Variants in ZC3H12B observed in about 807,000 individuals in gnomAD.
ZC3H12B encodes probable ribonuclease ZC3H12B.
A neutral mutation model predicts 43.9 loss-of-function variants in ZC3H12B; 7 were observed. That is an observed-to-expected ratio of 0.16 (90% CI 0.09 to 0.30). The LOEUF (loss-of-function observed/expected upper bound fraction) is 0.30, where lower values mean the gene tolerates loss of function less well. Among genes scored for constraint, ZC3H12B ranks in the 10% least tolerant of loss-of-function variants. The probability of loss-of-function intolerance (pLI) is 1.00; values close to 1 mark genes in which losing one functional copy is unlikely to be tolerated. For synonymous variants in ZC3H12B, 222 were observed against 241.7 expected (o/e 0.92, Z 0.76); for missense variants, 475 against 670.2 (o/e 0.71, Z 3.22).
chrX:65,172,540 G>T, the ZC3H12B span, among the ~76,000 whole-genome samples: 1 of 112,011 alleles, frequency 8.9e-6, no homozygotes, highest in Non-Finnish European at 1.9e-5. Flanking sequence ...TTTTCTTCTA[G>T]GATTTTTATG....
the ZC3H12B span, among the ~76,000 whole-genome samples, chrX:65,130,735 C>G: frequency 9.0e-6 from 1 of 111,421 alleles, no homozygotes; most frequent in Non-Finnish European, 1.9e-5. Flanking sequence ...TTTCCTTGGT[C>G]CAAGAACCAT....
the ZC3H12B span, among the ~76,000 whole-genome samples, chrX:65,091,043 T>G: frequency 9.0e-6 from 1 of 111,492 alleles, no homozygotes; most frequent in Admixed American, 9.6e-5. Context: ...CTCTGCTTCT[T>G]GTACAACCTG....
At chrX:65,350,537 GTC>G in the ZC3H12B span, among the ~76,000 whole-genome samples, 1 of 111,749 alleles carries the variant, frequency 8.9e-6, no homozygotes, top group Non-Finnish European at 1.9e-5. Flanking sequence ...AAGTCAAATT[GTC>G]TCTGTTTGCA....
intron 4 of ZC3H12B, among the ~76,000 whole-genome samples, chrX:65,500,681 G>A (rs1436900580): frequency 1.8e-5 from 2 of 110,467 alleles, no homozygotes; most frequent in African/African-American, 6.6e-5. Flanking sequence ...CACCCACCTC[G>A]GCCTCTGAAA....
At chrX:65,501,245 T>G (rs2068363137) in intron 4 of ZC3H12B, among the ~76,000 whole-genome samples, 1 of 97,492 alleles carries the variant, frequency 1.0e-5, no homozygotes, top group Admixed American at 1.1e-4. Context: ...TTAGCTTTTT[T>G]TTTTTTTTTT....
At chrX:65,211,376 A>C in the ZC3H12B span, among the ~76,000 whole-genome samples, 1 of 108,899 alleles carries the variant, frequency 9.2e-6, no homozygotes, top group East Asian at 2.9e-4. Context: ...AACATAAAAA[A>C]CCAAAGAGTT....
the ZC3H12B span, among the ~76,000 whole-genome samples, chrX:65,141,678 C>T: frequency 1.9e-4 from 21 of 110,475 alleles, no homozygotes; most frequent in Non-Finnish European, 1.9e-4. Context: ...CCACTCTTTT[C>T]CCCTAAGTCC....
At chrX:65,347,786 C>T in the ZC3H12B span, among the ~76,000 whole-genome samples, 520 of 112,172 alleles carry the variant, frequency 4.6e-3, 1 homozygote, top group Non-Finnish European at 7.9e-3. Flanking sequence ...CACATGCACA[C>T]GTATGTTTAT....
At chrX:65,041,309 C>G in the ZC3H12B span, among the ~76,000 whole-genome samples, 1 of 111,672 alleles carries the variant, frequency 9.0e-6, no homozygotes, top group Admixed American at 9.5e-5. Flanking sequence ...AGTAGTCGTG[C>G]TAAAAATGAA....
At chrX:65,145,549 T>C in the ZC3H12B span, among the ~76,000 whole-genome samples, 2 of 111,948 alleles carry the variant, frequency 1.8e-5, no homozygotes, top group East Asian at 5.6e-4. Flanking sequence ...TGTTGCTTTT[T>C]GTTTTTGTTT....
At chrX:65,457,010 C>T (rs2067628384) in intron 3 of ZC3H12B, among the ~76,000 whole-genome samples, 1 of 101,617 alleles carries the variant, frequency 9.8e-6, no homozygotes, top group East Asian at 3.2e-4. Context: ...CGCCTCTTCC[C>T]CGCTGCCATC....
At chrX:65,289,382 C>A in the ZC3H12B span, among the ~76,000 whole-genome samples, 8 of 109,763 alleles carry the variant, frequency 7.3e-5, no homozygotes, top group African/African-American at 2.6e-4. Context: ...GAACAACTAC[C>A]TATCAGATAC....
the ZC3H12B span, among the ~76,000 whole-genome samples, chrX:65,056,643 G>C: frequency 1.8e-5 from 2 of 111,022 alleles, no homozygotes; most frequent in East Asian, 2.8e-4. Context: ...CCCGGATATC[G>C]TTGTTAACTT....
chrX:65,492,120 A>AT (rs60180121), intron 1 of ZC3H12B, among the ~76,000 whole-genome samples: 16 of 108,036 alleles, frequency 1.5e-4, no homozygotes, highest in Admixed American at 2.9e-4. Flanking sequence ...AAGGCCTACC[A>AT]TTTTTTTTGT....
the ZC3H12B span, among the ~76,000 whole-genome samples, chrX:65,188,611 T>C: frequency 9.0e-6 from 1 of 110,774 alleles, no homozygotes; most frequent in Non-Finnish European, 1.9e-5. Flanking sequence ...CATTTGCATG[T>C]CTTCTTGTGA....
the ZC3H12B span, among the ~76,000 whole-genome samples, chrX:65,318,650 C>T: frequency 9.0e-6 from 1 of 111,175 alleles, no homozygotes. Context: ...GAACTCCTGA[C>T]CTAAGGTGAT....
chrX:65,352,025 T>C, the ZC3H12B span, among the ~76,000 whole-genome samples: 1 of 112,425 alleles, frequency 8.9e-6, no homozygotes, highest in Admixed American at 9.4e-5. Flanking sequence ...CAATTATGTT[T>C]ATTGCAGCAC....
At chrX:65,253,838 C>T in the ZC3H12B span, among the ~76,000 whole-genome samples, 79 of 112,177 alleles carry the variant, frequency 7.0e-4, no homozygotes, top group Non-Finnish European at 1.3e-3. Flanking sequence ...GCAGCCTCCC[C>T]GAAGCTGTTT....
At chrX:65,207,210 A>T in the ZC3H12B span, among the ~76,000 whole-genome samples, 1 of 106,661 alleles carries the variant, frequency 9.4e-6, no homozygotes, top group Non-Finnish European at 1.9e-5. Flanking sequence ...TTGCACACAC[A>T]TGTTTATAGG....
Sources: allele counts gnomAD v4.1 joint callset (sites outside exome capture counted in the v4.1 genomes callset), GRCh38; gene constraint gnomAD v4.1.1; transcripts MANE v1.5; gene names NCBI Gene and HGNC (gene_info 2026-07-23, HGNC 2026-07-21).